Variants in GPC5 observed in about 807,000 individuals in gnomAD.
GPC5 encodes glypican-5.
GPC5 carries 47 observed loss-of-function variants against 53.9 expected under a neutral mutation model. The ratio of observed to expected loss-of-function variants is 0.87; its 90% CI spans 0.69 to 1.11. The LOEUF is 1.11. GPC5 is among the 50% of genes most tolerant of loss of function. The pLI is 0.00. For synonymous variants in GPC5, 286 were observed against 263.3 expected (o/e 1.09, Z -0.84); for missense variants, 748 against 713.1 (o/e 1.05, Z -0.56).
At chr13:92,700,230 C>T (rs1887685863) in intron 7 of GPC5, among the ~76,000 whole-genome samples, 1 of 149,300 alleles carries the variant, frequency 6.7e-6, no homozygotes, top group Non-Finnish European at 1.5e-5. Flanking sequence ...TCTGTTTTAT[C>T]AGAGACTGGG....
chr13:91,978,369 T>C (rs115487697), intron 6 of GPC5, among the ~76,000 whole-genome samples: 50 of 152,370 alleles, frequency 3.3e-4, no homozygotes, highest in African/African-American at 1.1e-3. Context: ...GCACCTAGAA[T>C]ATAGGCTCCA....
At position 92,719,167 on chromosome 13, in the gene GPC5, G is replaced by GCCCC. The variant is rs34229037; in HGVS notation, c.1562-147109_1562-147106dup. ...TTGAAATACATAGATGATTCCTATA[G>GCCCC]CCCCCCCCCACATAATGATTTTGTA... is the stretch of plus-strand genomic sequence containing the variant. On this transcript the variant is annotated intron_variant, in intron 7 of 7. Transcript: ENST00000377067. 1.4e-3 allele frequency among the ~76,000 whole-genome samples: 213 copies of GCCCC among 147,422 alleles called. No individual in the cohort carries two copies. In the East Asian group the frequency reaches 0.016, roughly 11 times the overall value.
chr13:92,291,197 G>C lies in GPC5; in HGVS notation c.1561+146208G>C, dbSNP rs573965142. Reference sequence around the variant, plus strand: ...GCCACCCCCTGCTCCACTGTGCCCAGTCCCATCGACCACCCAAGGGCTGAG... The same window carrying C: ...GCCACCCCCTGCTCCACTGTGCCCACTCCCATCGACCACCCAAGGGCTGAG... On this transcript the variant is annotated intron_variant, in intron 7 of 7. Transcript: ENST00000377067. Among the ~76,000 whole-genome samples the C allele has an allele frequency of 4.4e-3, 665 of 152,256 alleles. 6 individuals carry two copies. The highest frequency in any genetic ancestry group is 0.014 in the African/African-American group (582 of 41,554).
chr13:91,657,592 G>C (rs1242080917), intron 2 of GPC5, among the ~76,000 whole-genome samples: 1 of 152,078 alleles, frequency 6.6e-6, no homozygotes, highest in African/African-American at 2.4e-5. Context: ...GATATTGAGA[G>C]ACCCTAGATT....
chr13:91,814,008 C>G (rs1490923091), intron 5 of GPC5, among the ~76,000 whole-genome samples: 1 of 142,224 alleles, frequency 7.0e-6, no homozygotes, highest in East Asian at 2.1e-4. Context: ...TCTCGGCTCA[C>G]TGCAACCTCT....
chr13:92,111,672 A>G (rs2041557907), intron 6 of GPC5, among the ~76,000 whole-genome samples: 1 of 152,156 alleles, frequency 6.6e-6, no homozygotes, highest in African/African-American at 2.4e-5. Flanking sequence ...AGAAATACAG[A>G]GGGCAAGAAC....
chr13:92,008,557 A>T lies in GPC5; in HGVS notation c.1401+100500A>T, dbSNP rs142368977. On this transcript the variant is annotated intron_variant, in intron 6 of 7. Coordinates refer to ENST00000377067, the MANE Select transcript of GPC5 (RefSeq NM_004466.6). Reference sequence around the variant, plus strand: ...CTAAAAGCAAAATTATCTTTTTAAAAAATAATTTTGGAATAAAGTTTAGCT... The same window carrying T: ...CTAAAAGCAAAATTATCTTTTTAAATAATAATTTTGGAATAAAGTTTAGCT... 7.2e-5 allele frequency among the ~76,000 whole-genome samples: 11 copies of T among 152,186 alleles called. No individual in the cohort carries two copies. The East Asian group carries it at 2.1e-3, about 29-fold the overall frequency.
intron 3 of GPC5, among the ~76,000 whole-genome samples, chr13:91,697,963 G>A (rs553734394): frequency 7.3e-5 from 11 of 150,030 alleles, no homozygotes; most frequent in Admixed American, 3.3e-4. Flanking sequence ...GTGCAATGGC[G>A]CGATCTTGGC....
At chr13:91,714,972 C>A (rs868077396) in intron 3 of GPC5, among the ~76,000 whole-genome samples, 4 of 152,336 alleles carry the variant, frequency 2.6e-5, no homozygotes, top group Middle Eastern at 3.4e-3. Context: ...CCTCCATAGG[C>A]AATGTGTTGA....
intron 7 of GPC5, among the ~76,000 whole-genome samples, chr13:92,580,754 C>T (rs866092482): frequency 2.0e-5 from 3 of 152,054 alleles, no homozygotes; most frequent in Admixed American, 6.5e-5. Context: ...CTTATTATCA[C>T]GAGGACAGCA....
intron 7 of GPC5, among the ~76,000 whole-genome samples, chr13:92,287,260 G>T (rs9584010): frequency 0.074 from 11,301 of 152,194 alleles, 554 homozygotes; most frequent in African/African-American, 0.13. Context: ...TATCTTGAAA[G>T]TTGTTTTATG....
At chr13:92,336,380 A>G (rs534942826) in intron 7 of GPC5, among the ~76,000 whole-genome samples, 2 of 152,216 alleles carry the variant, frequency 1.3e-5, no homozygotes, top group Non-Finnish European at 2.9e-5. Context: ...ACACACATAC[A>G]TTGTAAAAAC....
chr13:91,572,148 T>C (rs1282104467), intron 2 of GPC5, among the ~76,000 whole-genome samples: 1 of 142,240 alleles, frequency 7.0e-6, no homozygotes, highest in East Asian at 2.1e-4. Context: ...TATGTATATA[T>C]ACGTGTGTAT....
intron 7 of GPC5, among the ~76,000 whole-genome samples, chr13:92,606,271 T>C (rs542657866): frequency 2.1e-4 from 32 of 152,256 alleles, no homozygotes; most frequent in African/African-American, 7.7e-4. Flanking sequence ...CGGTGTGTGA[T>C]GTTCCCCACC....
At chr13:92,852,727 T>A (rs545783909) in intron 7 of GPC5, among the ~76,000 whole-genome samples, 1 of 152,260 alleles carries the variant, frequency 6.6e-6, no homozygotes, top group Admixed American at 6.5e-5. Context: ...TGAGCCACTG[T>A]GCCTGGTCCC....
intron 7 of GPC5, chr13:92,701,254 T>C (rs1477594848): frequency 6.6e-6 from 1 of 152,118 alleles, no homozygotes; most frequent in African/African-American, 2.4e-5. Context: ...GAAATAACCC[T>C]GGATCTAAAA....
intron 7 of GPC5, among the ~76,000 whole-genome samples, chr13:92,146,854 G>T (rs2041871020): frequency 6.6e-6 from 1 of 151,926 alleles, no homozygotes; most frequent in Non-Finnish European, 1.5e-5. Flanking sequence ...TCCCTTTATG[G>T]CTGAATAGTA....
intron 7 of GPC5, among the ~76,000 whole-genome samples, chr13:92,316,214 A>G (rs903518995): frequency 6.6e-6 from 1 of 151,988 alleles, no homozygotes; most frequent in Non-Finnish European, 1.5e-5. Context: ...ATATAAACTT[A>G]AAAAAAATTG....
intron 6 of GPC5, among the ~76,000 whole-genome samples, chr13:91,970,303 G>A (rs546975133): frequency 7.9e-5 from 12 of 152,118 alleles, no homozygotes; most frequent in Admixed American, 3.9e-4. Flanking sequence ...GGGGAATGGG[G>A]AGATATTGGC....
Sources: allele counts gnomAD v4.1 joint callset (sites outside exome capture counted in the v4.1 genomes callset), GRCh38; gene constraint gnomAD v4.1.1; transcripts MANE v1.5; gene names NCBI Gene and HGNC (gene_info 2026-07-23, HGNC 2026-07-21).